NEDD4: variants seen among roughly 807,000 people sequenced by gnomAD.
NEDD4 encodes NEDD4 E3 ubiquitin protein ligase.
NEDD4 carries 99 observed loss-of-function variants against 144.9 expected under a neutral mutation model. The observed-to-expected ratio is 0.68, with a 90% CI of 0.58 to 0.81. NEDD4 has a LOEUF of 0.81. Among genes scored for constraint, NEDD4 ranks in the 30% least tolerant of loss-of-function variants. The probability of loss-of-function intolerance (pLI) is 0.00; values close to 1 mark genes in which losing one functional copy is unlikely to be tolerated. For synonymous variants in NEDD4, 318 were observed against 350.6 expected (o/e 0.91, Z 1.04); for missense variants, 985 against 1,065.9 (o/e 0.92, Z 1.06).
chr15:55,866,466 C>T (rs1393556009), intron 8 of NEDD4, among the ~76,000 whole-genome samples: 4 of 151,862 alleles, frequency 2.6e-5, no homozygotes, highest in Admixed American at 6.6e-5. Flanking sequence ...TCCCAAAACA[C>T]GTTAAGTTTT....
At chr15:55,914,131 C>T (rs62043853) in intron 5 of NEDD4, among the ~76,000 whole-genome samples, 21,654 of 151,282 alleles carry the variant, frequency 0.14, 1,689 homozygotes, top group East Asian at 0.35. Context: ...ATTATATTTA[C>T]CAGATTTCAG....
At chr15:55,831,220 G>A (rs528926381) in intron 27 of NEDD4, among the ~76,000 whole-genome samples, 2 of 152,078 alleles carry the variant, frequency 1.3e-5, no homozygotes, top group Non-Finnish European at 2.9e-5. Flanking sequence ...GCACCCAGCC[G>A]CCTTAACATA....
chr15:55,958,747 CTG>C (rs1166617097), intron 2 of NEDD4, among the ~76,000 whole-genome samples: 5 of 151,984 alleles, frequency 3.3e-5, no homozygotes, highest in Non-Finnish European at 4.4e-5. Flanking sequence ...GTTCTGAAAT[CTG>C]TGTCTTTCAA....
At chr15:55,928,629 C>CT (rs1566956105) in intron 4 of NEDD4, among the ~76,000 whole-genome samples, 2 of 152,232 alleles carry the variant, frequency 1.3e-5, no homozygotes, top group Non-Finnish European at 2.9e-5. Context: ...GCAACACCTT[C>CT]TCCACTCTAC....
At chr15:55,926,149 C>A (rs1032696988) in intron 4 of NEDD4, among the ~76,000 whole-genome samples, 1 of 151,616 alleles carries the variant, frequency 6.6e-6, no homozygotes, top group Non-Finnish European at 1.5e-5. Flanking sequence ...ATATTGAATA[C>A]TCTGTTCTAT....
At chr15:55,887,734 C>T (rs1441565839) in intron 5 of NEDD4, among the ~76,000 whole-genome samples, 1 of 152,032 alleles carries the variant, frequency 6.6e-6, no homozygotes, top group Non-Finnish European at 1.5e-5. Context: ...AAATCCTCAA[C>T]AAAATACTAG....
intron 1 of NEDD4, among the ~76,000 whole-genome samples, chr15:55,991,032 T>C (rs1258364672): frequency 6.6e-6 from 1 of 152,250 alleles, no homozygotes; most frequent in African/African-American, 2.4e-5. Flanking sequence ...ACTTCAGTGC[T>C]AATATGCTCA....
chr15:55,892,057 G>A (rs1214241739), intron 5 of NEDD4, among the ~76,000 whole-genome samples: 1 of 152,042 alleles, frequency 6.6e-6, no homozygotes, highest in Non-Finnish European at 1.5e-5. Flanking sequence ...CCTGAGGTCA[G>A]GAGTTTGAGA....
chr15:55,930,406 T>C (rs1443868040), intron 4 of NEDD4, among the ~76,000 whole-genome samples: 1 of 152,222 alleles, frequency 6.6e-6, no homozygotes, highest in Admixed American at 6.5e-5. Flanking sequence ...AGAAAAAAGT[T>C]AGTCAAACCA....
intron 5 of NEDD4, among the ~76,000 whole-genome samples, chr15:55,900,200 G>T (rs1328912122): frequency 2.0e-5 from 3 of 152,098 alleles, no homozygotes; most frequent in African/African-American, 7.2e-5. Context: ...GGACACAGCA[G>T]GACTCCAAGG....
intron 5 of NEDD4, among the ~76,000 whole-genome samples, chr15:55,909,118 G>T (rs187775263): frequency 8.5e-5 from 13 of 152,202 alleles, no homozygotes; most frequent in South Asian, 2.1e-4. Context: ...GAAGGCCTAC[G>T]CTCTTTCTTC....
At chr15:55,832,181 G>GAA (rs200591357) in intron 27 of NEDD4, among the ~76,000 whole-genome samples, 2 of 124,744 alleles carry the variant, frequency 1.6e-5, no homozygotes, top group African/African-American at 3.0e-5. Context: ...CCCCTATCTT[G>GAA]AAAAAAAAAA....
intron 1 of NEDD4, among the ~76,000 whole-genome samples, chr15:55,985,006 G>T (rs2037866918): frequency 6.6e-6 from 1 of 152,208 alleles, no homozygotes; most frequent in African/African-American, 2.4e-5. Flanking sequence ...GAGACAGCAA[G>T]GGGATGGGAG....
intron 1 of NEDD4, among the ~76,000 whole-genome samples, chr15:55,967,906 G>C (rs1436783456): frequency 6.6e-6 from 1 of 152,026 alleles, no homozygotes; most frequent in African/African-American, 2.4e-5. Context: ...CCAGCTACTA[G>C]AGAGGGTGAG....
intron 1 of NEDD4, among the ~76,000 whole-genome samples, chr15:55,980,864 C>T (rs2037788398): frequency 6.6e-6 from 1 of 151,770 alleles, no homozygotes; most frequent in South Asian, 2.1e-4. Context: ...CAACAGCTTG[C>T]AATTAAATTT....
At chr15:55,951,015 G>A (rs571467990) in intron 4 of NEDD4, among the ~76,000 whole-genome samples, 2 of 152,102 alleles carry the variant, frequency 1.3e-5, no homozygotes, top group Non-Finnish European at 2.9e-5. Context: ...ATGACGTGTG[G>A]ATAAAAAGAA....
intron 1 of NEDD4, among the ~76,000 whole-genome samples, chr15:55,972,165 G>A (rs1348114003): frequency 7.9e-5 from 12 of 152,120 alleles, no homozygotes; most frequent in Admixed American, 4.6e-4. Context: ...ATTAATAAGC[G>A]ATAAGAAATC....
intron 1 of NEDD4, among the ~76,000 whole-genome samples, chr15:55,984,774 C>T (rs1349007820): frequency 6.6e-6 from 1 of 152,184 alleles, no homozygotes; most frequent in South Asian, 2.1e-4. Flanking sequence ...TTCATTTATC[C>T]TCTTAAACTT....
chr15:55,972,894 A>G (rs1160240421), intron 1 of NEDD4, among the ~76,000 whole-genome samples: 2 of 152,258 alleles, frequency 1.3e-5, no homozygotes, highest in Non-Finnish European at 2.9e-5. Context: ...AAAAAAGGTT[A>G]TTACACAATG....
Sources: allele counts gnomAD v4.1 joint callset (sites outside exome capture counted in the v4.1 genomes callset), GRCh38; gene constraint gnomAD v4.1.1; transcripts MANE v1.5; gene names NCBI Gene and HGNC (gene_info 2026-07-23, HGNC 2026-07-21).